The following FBN3 variants were observed in gnomAD, a reference collection of about 807,000 sequenced individuals.
FBN3 encodes fibrillin 3.
Under a neutral mutation model 330.1 loss-of-function variants are expected in FBN3, and 234 were observed. The observed-to-expected ratio is 0.71, with a 90% CI of 0.64 to 0.79. The LOEUF (loss-of-function observed/expected upper bound fraction) is 0.79. FBN3 is among the 30% of genes least tolerant of loss of function. The pLI is 0.00. For synonymous variants in FBN3, 1,458 were observed against 1,517.3 expected (o/e 0.96, Z 0.91); for missense variants, 3,606 against 3,886.9 (o/e 0.93, Z 1.92).
intron 6 of FBN3, among the ~76,000 whole-genome samples, chr19:8,143,665 G>C (rs529503702): frequency 6.6e-6 from 1 of 151,668 alleles, no homozygotes; most frequent in African/African-American, 2.4e-5. Context: ...ATTTTTTTGT[G>C]TATTTTTAGT....
intron 30 of FBN3, among the ~76,000 whole-genome samples, chr19:8,114,950 C>A (rs1043400995): frequency 2.0e-5 from 3 of 152,200 alleles, no homozygotes; most frequent in Non-Finnish European, 2.9e-5. Context: ...CTCACTGCCA[C>A]CTCTGCCTCC....
At chr19:8,140,590 C>A (rs2083389001) in intron 8 of FBN3, among the ~76,000 whole-genome samples, 1 of 152,200 alleles carries the variant, frequency 6.6e-6, no homozygotes, top group Non-Finnish European at 1.5e-5. Flanking sequence ...CAGCCCTCTG[C>A]AAATTACTCC....
At chr19:8,143,081 T>A (rs1288079390) in intron 6 of FBN3, among the ~76,000 whole-genome samples, 1 of 152,112 alleles carries the variant, frequency 6.6e-6, no homozygotes, top group African/African-American at 2.4e-5. Flanking sequence ...CAAGCCTGGA[T>A]GTCCCTGACG....
chr19:8,135,935 T>TTG (rs1599430602), intron 13 of FBN3, 26 bp downstream of exon 13: 135 of 1,343,858 alleles, frequency 1.0e-4, no homozygotes, highest in Admixed American at 4.0e-4. Flanking sequence ...CGGAAGCCCC[T>TTG]GCCCACCCGC....
chr19:8,109,664 A>G lies in FBN3; in HGVS notation c.4423T>C (p.Phe1475Leu). ...GSYLCSCPQDFELNPSGVGCV... is the reference protein window; with the variant it reads ...GSYLCSCPQDLELNPSGVGCV... The stretch of plus-strand genomic sequence containing the variant: ...CCCACTCCGCTGGGGTTCAGCTCAA[A>G]ATCCTGGGGGCAGCTGCAGAGGTAG... Residue 1475 changes from phenylalanine (F) to leucine (L), a missense_variant, in exon 35 of 64, where the codon TTT becomes CTT. Physicochemically the swap from Phe to Leu is conservative, Grantham distance 22 (BLOSUM62 0). Transcript: ENST00000600128. This position sits in a 1 kb window ranked among gnomAD's most constrained non-coding sequence, Gnocchi z 5.2. 1 of 1,584,362 alleles carries G rather than the reference A, an allele frequency of 6.3e-7. No homozygotes were observed. Among genetic ancestry groups the G allele is most frequent in the Non-Finnish European group, 8.6e-7 (1 of 1,166,370 alleles).
intron 58 of FBN3, 28 bp downstream of exon 58, chr19:8,081,330 G>A (rs377667943): frequency 1.3e-6 from 2 of 1,579,486 alleles, no homozygotes; most frequent in African/African-American, 1.3e-5. Flanking sequence ...GCAGTGGTGG[G>A]AGTGGGGGAG....
In FBN3 at chr19:8,096,971, G is replaced by T; in HGVS notation, c.5323C>A (p.Gln1775Lys). ...ATGTTGATGCAGTCAGCATTCTGCT[G>T]GCAGGGACTCTCCCTGCTGCCACAC... ...DECGSRESPC[Q>K]QNADCINIPG... The change falls in exon 43 of 64, where the codon CAG becomes AAG. Residue 1775 changes from glutamine to lysine, a missense_variant. Coordinates refer to ENST00000600128, the MANE Select transcript of FBN3 (RefSeq NM_032447.5). The surrounding 1 kb of genome is among the most constrained non-coding windows in gnomAD (Gnocchi z 4.6). 1 of 1,613,624 alleles carries T rather than the reference G, an allele frequency of 6.2e-7. No individual in the cohort carries two copies. The highest frequency in any genetic ancestry group is 2.2e-5 in the East Asian group (1 of 44,866).
At chr19:8,127,956 G>T (rs941184276) in intron 18 of FBN3, among the ~76,000 whole-genome samples, 1 of 152,100 alleles carries the variant, frequency 6.6e-6, no homozygotes, top group African/African-American at 2.4e-5. Flanking sequence ...AGCCGAGATC[G>T]CCCCATTGCA....
At position 8,131,400 on chromosome 19, in the gene FBN3, C is replaced by T. The variant is rs2083142718; in HGVS notation, c.1991-112G>A. The T allele has an allele frequency of 1.4e-6, 2 of 1,472,176 alleles. No homozygotes were observed. Among genetic ancestry groups the T allele is most frequent in the South Asian group, 2.4e-5 (2 of 82,168 alleles). 91.2% of individuals were successfully genotyped at this position (1,472,176 alleles called of 1,614,324 possible). A position where few individuals can be genotyped will look rare whatever the true frequency, so the allele number is the denominator to read the frequency against. Reference sequence around the variant, plus strand: ...CTTGGGCAAGAGTTTGGGACTAAGACACAACTCCAACCCCGGGGAGGGAGC... The same window carrying T: ...CTTGGGCAAGAGTTTGGGACTAAGATACAACTCCAACCCCGGGGAGGGAGC... On this transcript the variant is annotated intron_variant, in intron 15 of 63. Coordinates refer to ENST00000600128, the MANE Select transcript of FBN3 (RefSeq NM_032447.5). The surrounding 1 kb of genome is among the most constrained non-coding windows in gnomAD (Gnocchi z 4.5).
chr19:8,122,042 C>G (rs912406618), intron 24 of FBN3, among the ~76,000 whole-genome samples: 3 of 152,044 alleles, frequency 2.0e-5, no homozygotes, highest in East Asian at 1.9e-4. Context: ...AGCCACTGAG[C>G]CTGGCCTGTT....
rs60155490 is a variant in FBN3 at position 8,072,966 on chromosome 19, CGTGTGTGTGTGT to C, written c.7937+85_7937+96del. 969 of 645,106 alleles carry C rather than the reference CGTGTGTGTGTGT, an allele frequency of 1.5e-3. 3 individuals are homozygous for C. Among genetic ancestry groups the C allele is most frequent in the African/African-American group, 0.015 (748 of 51,012 alleles). The allele number at this position is 645,106 out of a possible 1,614,324, so 40.0% of individuals were successfully genotyped here. A position where few individuals can be genotyped will look rare whatever the true frequency, so the allele number is the denominator to read the frequency against. ...TAAATTCTTGGCATGCACAAAGCCC[CGTGTGTGTGTGT>C]GTGTGTGTGTGTGTGTGTGTGTGTG... On this transcript the variant is annotated intron_variant, in intron 62 of 63. Coordinates refer to ENST00000600128, the MANE Select transcript of FBN3 (RefSeq NM_032447.5).
chr19:8,123,893 G>A lies in FBN3; in HGVS notation c.2847C>T (p.Val949=), dbSNP rs34591995. 2,080 of 1,613,798 alleles carry A rather than the reference G, an allele frequency of 1.3e-3. 29 individuals carry two copies. The African/African-American group carries it at 0.024, about 19-fold the overall frequency. Residue 949 remains valine, a synonymous_variant, in exon 23 of 64, where the codon GTC becomes GTT. Transcript: ENST00000600128. ...CCCSIGAVWG[V]ECEACPDPES... ...CGGGATCCGGGCAGGCCTCGCACTCGACTCCCCACACGGCCCCGATGGAGC... is the reference window on the plus strand; with the variant it reads ...CGGGATCCGGGCAGGCCTCGCACTCAACTCCCCACACGGCCCCGATGGAGC...
intron 26 of FBN3, 59 bp from the exon 27 acceptor site, chr19:8,117,648 TG>T: frequency 6.8e-7 from 1 of 1,480,944 alleles, no homozygotes; most frequent in Non-Finnish European, 9.0e-7. Context: ...TGTGTGACCA[TG>T]AGACACACTG....
rs1050813365 is a variant in FBN3, at chr19:8,146,974, G to T, written c.250+130C>A. 2.1e-5 allele frequency: 17 copies of T among 801,494 alleles called. No homozygotes were observed. The Admixed American group carries it at 2.6e-4, about 12-fold the overall frequency. The allele number at this position is 801,494 out of a possible 1,614,324, so 49.6% of individuals were successfully genotyped here. A position where few individuals can be genotyped will look rare whatever the true frequency, so the allele number is the denominator to read the frequency against. ...TGGAACCCTGAGGACAGACGCAGAT[G>T]CAAGGGCCATTCCTGTGGTTCAGCC... On this transcript the variant is annotated intron_variant, in intron 3 of 63. Transcript: ENST00000600128.
chr19:8,111,706 A>G lies in FBN3; in HGVS notation c.4026T>C (p.Pro1342=), dbSNP rs771444615. ...GGCGGCAGGTGCAGCGGTAGGAGCCAGGGACATTGAGACAGTCACCTCTTG... is the reference window on the plus strand; with the variant it reads ...GGCGGCAGGTGCAGCGGTAGGAGCCGGGGACATTGAGACAGTCACCTCTTG... ...CSPRGDCLNV[P]GSYRCTCRQG... is the part of the protein sequence containing the mutation. Residue 1342 remains proline (P), a synonymous_variant, in exon 32 of 64, where the codon CCT becomes CCC. Coordinates refer to ENST00000600128, the MANE Select transcript of FBN3 (RefSeq NM_032447.5). 1 of 1,510,616 alleles carries G rather than the reference A, an allele frequency of 6.6e-7. No individual in the cohort carries two copies. The highest frequency in any genetic ancestry group is 9.0e-7 in the Non-Finnish European group (1 of 1,114,190). 93.6% of individuals were successfully genotyped at this position (1,510,616 alleles called of 1,614,324 possible). A position where few individuals can be genotyped will look rare whatever the true frequency, so the allele number is the denominator to read the frequency against.
intron 22 of FBN3, among the ~76,000 whole-genome samples, chr19:8,125,516 C>G (rs560768756): frequency 9.2e-5 from 14 of 152,080 alleles, no homozygotes; most frequent in Admixed American, 8.5e-4. Flanking sequence ...TCAGGCCAGG[C>G]GTGGTGGCTC....
chr19:8,111,287 T>C (rs2082576231), intron 32 of FBN3, 104 bp from the exon 33 acceptor site: 2 of 1,405,076 alleles, frequency 1.4e-6, no homozygotes, highest in African/African-American at 1.4e-5. Flanking sequence ...TCAGCCAGAG[T>C]CCCAGGCAAG....
chr19:8,075,606 A>G (rs2081622591), intron 59 of FBN3, among the ~76,000 whole-genome samples, 195 bp from the exon 60 acceptor site: 1 of 152,186 alleles, frequency 6.6e-6, no homozygotes, highest in South Asian at 2.1e-4. Context: ...TCCTGCACAT[A>G]AAGAATCTCA....
Position 8,141,818 on chromosome 19 carries a change from G to A in FBN3, c.764C>T (p.Pro255Leu), listed in dbSNP as rs202195362. 130 of 1,614,042 alleles carry A rather than the reference G, an allele frequency of 8.1e-5. No homozygotes were observed. The highest frequency in any genetic ancestry group is 1.3e-5 in the Non-Finnish European group (15 of 1,180,018). ...CQDVDECQAV[P>L]GLCQGGSCVN... ...GCAGCTGCCTCCCTGGCACAGGCCT[G>A]GCACAGCCTGGCACTCATCCACATC... Residue 255 changes from proline to leucine, a missense_variant, in exon 8 of 64, where the codon CCA (proline) becomes CTA (leucine). Pro to Leu is a moderately conservative substitution (Grantham distance 98). Transcript: ENST00000600128.
Sources: allele counts gnomAD v4.1 joint callset (sites outside exome capture counted in the v4.1 genomes callset), GRCh38; gene constraint gnomAD v4.1.1; non-coding constraint Gnocchi (gnomAD v3.1); transcripts MANE v1.5; gene names NCBI Gene and HGNC (gene_info 2026-07-23, HGNC 2026-07-21).